Variants in CTNNA2 observed in about 807,000 individuals in gnomAD.
CTNNA2 encodes the protein catenin alpha 2.
A neutral mutation model predicts 101.0 loss-of-function variants in CTNNA2; 42 were observed. The observed-to-expected ratio is 0.42, with a 90% CI of 0.32 to 0.54. The LOEUF (loss-of-function observed/expected upper bound fraction) is 0.54. Ranked by LOEUF, CTNNA2 falls within the 20% of genes least tolerant of loss-of-function variation. The pLI is 0.14. For synonymous variants in CTNNA2, 450 were observed against 456.4 expected (o/e 0.99, Z 0.18); for missense variants, 871 against 1,223.1 (o/e 0.71, Z 4.29).
chr2:79,788,640 CA>C (rs1361042064), intron 3 of CTNNA2, among the ~76,000 whole-genome samples: 1 of 152,184 alleles, frequency 6.6e-6, no homozygotes, highest in Non-Finnish European at 1.5e-5. Flanking sequence ...TACATGTCCA[CA>C]TGCATACATG....
chr2:79,506,880 A>T (rs62141439), intron 5 of CTNNA2, among the ~76,000 whole-genome samples: 11,541 of 152,180 alleles, frequency 0.076, 549 homozygotes, highest in Non-Finnish European at 0.1. Flanking sequence ...GAGTTATGTG[A>T]CTAGTTTTGC....
Position 80,212,342 on chromosome 2 carries a change from T to C in CTNNA2, c.1057-180869T>C, listed in dbSNP as rs545244123. The stretch of plus-strand genomic sequence containing the variant: ...AAGTTTTTGCCCATTCAGTATGATA[T>C]TGGGTGTGGGTTTGTCATAAACAGT... On this transcript the variant is annotated intron_variant, in intron 7 of 18. Transcript: ENST00000402739. Among the ~76,000 whole-genome samples the C allele has an allele frequency of 1.1e-4, 17 of 152,312 alleles. 1 individual carries two copies. The South Asian group carries it at 3.3e-3, about 30-fold the overall frequency.
At chr2:80,558,687 C>A (rs1200396826) in intron 12 of CTNNA2, among the ~76,000 whole-genome samples, 1 of 151,882 alleles carries the variant, frequency 6.6e-6, no homozygotes, top group African/African-American at 2.4e-5. Context: ...GTGAATCTAT[C>A]AAATTTTGTC....
chr2:79,656,973 T>C lies in CTNNA2; in HGVS notation c.102+5315T>C, dbSNP rs547951239. On this transcript the variant is annotated intron_variant, in intron 2 of 18. Transcript: ENST00000402739. ...CAAAATAGGCACATCCAGTAAAAGCTATCATCAGTATAGAATTTTAGCTTT... is the reference window on the plus strand; with the variant it reads ...CAAAATAGGCACATCCAGTAAAAGCCATCATCAGTATAGAATTTTAGCTTT... Among the ~76,000 whole-genome samples the C allele has an allele frequency of 2.6e-5, 4 of 151,934 alleles. 1 individual carries two copies. The highest frequency in any genetic ancestry group is 9.6e-5 in the African/African-American group (4 of 41,532).
intron 3 of CTNNA2, among the ~76,000 whole-genome samples, chr2:79,758,470 G>T (rs571612447): frequency 1.2e-4 from 18 of 152,146 alleles, no homozygotes; most frequent in Non-Finnish European, 2.6e-4. Context: ...TCAGATTTGG[G>T]GAGTGCCTTC....
At chr2:79,351,780 G>C (rs1475420305) in intron 3 of CTNNA2, among the ~76,000 whole-genome samples, 1 of 152,096 alleles carries the variant, frequency 6.6e-6, no homozygotes, top group Non-Finnish European at 1.5e-5. Context: ...TACTTTTTGT[G>C]GCTGTGTAGT....
At chr2:80,643,325 G>A (rs1480365958) in intron 18 of CTNNA2, among the ~76,000 whole-genome samples, 1 of 152,154 alleles carries the variant, frequency 6.6e-6, no homozygotes, top group Non-Finnish European at 1.5e-5. Flanking sequence ...TTAGCAGTGT[G>A]ATAATGGGCA....
chr2:80,421,802 C>CAA (rs754594979), intron 9 of CTNNA2, among the ~76,000 whole-genome samples: 162 of 66,978 alleles, frequency 2.4e-3, no homozygotes, highest in African/African-American at 5.9e-3. Flanking sequence ...TGCATATATA[C>CAA]AAAAAAAAAA....
At chr2:79,923,924 A>C (rs1686847794) in intron 7 of CTNNA2, among the ~76,000 whole-genome samples, 1 of 152,158 alleles carries the variant, frequency 6.6e-6, no homozygotes, top group Non-Finnish European at 1.5e-5. Flanking sequence ...AAAAAACTAA[A>C]AATAGAATTA....
chr2:79,418,063 G>C (rs1321518487), intron 4 of CTNNA2, among the ~76,000 whole-genome samples: 1 of 152,072 alleles, frequency 6.6e-6, no homozygotes, highest in Admixed American at 6.6e-5. Flanking sequence ...TTGGATGAGA[G>C]ATGAAATCAT....
chr2:80,305,122 A>G, intron 7 of CTNNA2: 14 of 985,356 alleles, frequency 1.4e-5, no homozygotes, highest in Non-Finnish European at 1.7e-5. Flanking sequence ...TGCTTTAGAA[A>G]AGCAACTTGA....
At chr2:80,330,116 G>A (rs1671187869) in intron 7 of CTNNA2, among the ~76,000 whole-genome samples, 1 of 152,208 alleles carries the variant, frequency 6.6e-6, no homozygotes, top group Admixed American at 6.5e-5. Flanking sequence ...TCCACTCTAA[G>A]CTCTTCTTCT....
chr2:79,425,043 G>A (rs970740020), intron 4 of CTNNA2, among the ~76,000 whole-genome samples: 1 of 152,090 alleles, frequency 6.6e-6, no homozygotes. Flanking sequence ...GCCAAGGTTT[G>A]GGCTGTTAGA....
intron 7 of CTNNA2, among the ~76,000 whole-genome samples, chr2:79,923,232 C>T (rs546081741): frequency 1.1e-4 from 17 of 152,140 alleles, no homozygotes; most frequent in Admixed American, 4.6e-4. Context: ...TGGAGACTGT[C>T]GATCATGTAA....
chr2:79,858,553 G>C (rs538551675), intron 4 of CTNNA2, among the ~76,000 whole-genome samples: 1 of 152,246 alleles, frequency 6.6e-6, no homozygotes, highest in South Asian at 2.1e-4. Context: ...GTTGGGGTCA[G>C]CTCTGCTGAG....
In CTNNA2 at chr2:80,303,337, C is replaced by T; in HGVS notation, c.1057-89874C>T. ...CCCGCATATGCAGCGTGGTGAGCTTCCGCAGCCCGTGGAAGAGGTCGGGCG... is the reference window on the plus strand; with the variant it reads ...CCCGCATATGCAGCGTGGTGAGCTTTCGCAGCCCGTGGAAGAGGTCGGGCG... On this transcript the variant is annotated intron_variant, in intron 7 of 18. Transcript: ENST00000402739. The surrounding 1 kb of genome is among the most constrained non-coding windows in gnomAD (Gnocchi z 7.7). The T allele has an allele frequency of 6.2e-7, 1 of 1,613,988 alleles. No individual in the cohort carries two copies.
At chr2:79,500,411 G>A (rs552295414) in intron 4 of CTNNA2, among the ~76,000 whole-genome samples, 18 of 152,250 alleles carry the variant, frequency 1.2e-4, no homozygotes, top group African/African-American at 3.6e-4. Flanking sequence ...TAATAAACTC[G>A]AGTCAAACTT....
chr2:79,377,564 A>G lies in CTNNA2; in HGVS notation c.-135+3551A>G, dbSNP rs577214056. Among the ~76,000 whole-genome samples the G allele has an allele frequency of 3.3e-5, 5 of 152,276 alleles. No individual in the cohort carries two copies. In the South Asian group the frequency reaches 6.2e-4, roughly 19 times the overall value. On this transcript the variant is annotated intron_variant, in intron 4 of 21. Coordinates refer to the CTNNA2 transcript ENST00000466387. ...TTTCTAAGGATGGTTTTATACAGGC[A>G]GTTTTGGGAGACAGTATCTCTCTCC... is the stretch of plus-strand genomic sequence containing the variant.
At chr2:80,464,749 T>G (rs1270635485) in intron 9 of CTNNA2, among the ~76,000 whole-genome samples, 1 of 152,148 alleles carries the variant, frequency 6.6e-6, no homozygotes, top group Non-Finnish European at 1.5e-5. Context: ...CCAGACACTG[T>G]TTTAAGGACT....
Sources: gnomAD v4.1 joint callset for allele counts (sites outside exome capture counted in the v4.1 genomes callset) on GRCh38, gnomAD v4.1.1 for gene constraint, Gnocchi (gnomAD v3.1) non-coding constraint, MANE v1.5 for transcripts, NCBI Gene and HGNC (gene_info 2026-07-23, HGNC 2026-07-21) for gene names.